The following CLIP4 variants were observed in gnomAD, a reference collection of about 807,000 sequenced individuals.
CLIP4 encodes the protein CAP-Gly domain-containing linker protein 4.
A neutral mutation model predicts 73.1 loss-of-function variants in CLIP4; 47 were observed. The observed-to-expected ratio is 0.64, with a 90% CI of 0.51 to 0.82. The LOEUF (loss-of-function observed/expected upper bound fraction) is 0.82, where lower values mean the gene tolerates loss of function less well. Ranked by LOEUF, CLIP4 falls within the 40% of genes least tolerant of loss-of-function variation. The probability of loss-of-function intolerance (pLI) is 0.00; values close to 1 mark genes in which losing one functional copy is unlikely to be tolerated. For missense variants in CLIP4, 874 were observed against 852.9 expected, an observed-to-expected ratio of 1.02 and a Z score of -0.31; for synonymous variants, 306 against 295.4, an observed-to-expected ratio of 1.04 and a Z score of -0.37.
chr2:29,151,371 C>G (rs1290904458), intron 8 of CLIP4, among the ~76,000 whole-genome samples: 1 of 152,104 alleles, frequency 6.6e-6, no homozygotes, highest in Non-Finnish European at 1.5e-5. Context: ...CTTGCCGACA[C>G]TGGTTGTAAT....
chr2:29,107,369 T>TTG (rs1354439630), intron 1 of CLIP4, among the ~76,000 whole-genome samples: 3 of 115,166 alleles, frequency 2.6e-5, no homozygotes, highest in Admixed American at 8.5e-5. Context: ...TTTTTTTTTT[T>TTG]TTTTTTTTTT....
chr2:29,156,542 T>G, intron 10 of CLIP4, 99 bp downstream of exon 10: 1 of 837,022 alleles, frequency 1.2e-6, no homozygotes. Context: ...AGTTTTAAAG[T>G]TGGCAAGGGA....
chr2:29,126,385 G>T (rs1664605053), intron 2 of CLIP4, among the ~76,000 whole-genome samples: 1 of 152,092 alleles, frequency 6.6e-6, no homozygotes, highest in Non-Finnish European at 1.5e-5. Flanking sequence ...TCACTTTCCA[G>T]TTGTGTGATT....
chr2:29,175,160 A>G (rs1289651716), intron 15 of CLIP4, among the ~76,000 whole-genome samples: 1 of 152,170 alleles, frequency 6.6e-6, no homozygotes, highest in Non-Finnish European at 1.5e-5. Context: ...AGAGGCTAGA[A>G]CTTGATGTCC....
chr2:29,166,500 CACTG>C lies in CLIP4; in HGVS notation c.1659-972_1659-969del, dbSNP rs111369601. Among the ~76,000 whole-genome samples the C allele has an allele frequency of 7.3e-3, 1,092 of 150,452 alleles. 21 individuals are homozygous for C. The highest frequency in any genetic ancestry group is 0.026 in the African/African-American group (1,057 of 40,718). The stretch of plus-strand genomic sequence containing the variant: ...TCTTTAGAGAAACTCTAGGAAAACT[CACTG>C]ACTAGGTTAATCACATACACACACA... On this transcript the variant is annotated intron_variant, in intron 13 of 15. Transcript: ENST00000320081.
At chr2:29,125,009 C>T (rs1169154488) in intron 2 of CLIP4, among the ~76,000 whole-genome samples, 1 of 152,144 alleles carries the variant, frequency 6.6e-6, no homozygotes, top group Non-Finnish European at 1.5e-5. Context: ...TTTTTGTATT[C>T]CTGTAAGTAT....
Position 29,166,530 on chromosome 2 carries a change from G to GACACACAC in CLIP4, c.1659-921_1659-914dup, listed in dbSNP as rs55833657. On this transcript the variant is annotated intron_variant, in intron 13 of 15. Coordinates refer to ENST00000320081, the MANE Select transcript of CLIP4 (RefSeq NM_024692.6). ...ACTAGGTTAATCACATACACACACA[G>GACACACAC]ACACACACACACACACACACACACA... 2.2e-4 allele frequency among the ~76,000 whole-genome samples: 33 copies of GACACACAC among 147,026 alleles called. 1 individual carries two copies. The highest frequency in any genetic ancestry group is 6.6e-4 in the South Asian group (3 of 4,532).
rs1310106122 is a variant in CLIP4, at chr2:29,163,831, G to T, written c.1535G>T (p.Gly512Val). 3.7e-6 allele frequency: 6 copies of T among 1,610,804 alleles called. No individual in the cohort carries two copies. The highest frequency in any genetic ancestry group is 4.2e-6 in the Non-Finnish European group (5 of 1,178,806). The change falls in exon 13 of 16, where the codon GGA (glycine) becomes GTA (valine). Residue 512 changes from glycine (G) to valine (V), a missense_variant and splice_region_variant. Gly to Val is a moderately radical substitution (Grantham distance 109, BLOSUM62 -3). Coordinates refer to ENST00000320081, the MANE Select transcript of CLIP4 (RefSeq NM_024692.6). ...TTGAAATGCAATATTCATGTTCTAGGATATTGGTATGGTATAGAGCTTGAA... is the reference window on the plus strand; with the variant it reads ...TTGAAATGCAATATTCATGTTCTAGTATATTGGTATGGTATAGAGCTTGAA... ...RFFGTTNFAP[G>V]YWYGIELEKP...
At chr2:29,121,235 T>C (rs1664228071) in intron 1 of CLIP4, 139 bp from the exon 2 acceptor site, 3 of 862,620 alleles carry the variant, frequency 3.5e-6, no homozygotes, top group Non-Finnish European at 5.2e-6. Flanking sequence ...AAAAGGAATT[T>C]TTTCCCTTTC....
At chr2:29,163,131 AACCTT>A (rs1442606064) in intron 12 of CLIP4, among the ~76,000 whole-genome samples, 1 of 152,098 alleles carries the variant, frequency 6.6e-6, no homozygotes, top group Non-Finnish European at 1.5e-5. Context: ...CATTTAAAGC[AACCTT>A]GCTACTTTAA....
intron 1 of CLIP4, among the ~76,000 whole-genome samples, chr2:29,118,008 C>T (rs1663986156): frequency 6.6e-6 from 1 of 152,154 alleles, no homozygotes; most frequent in South Asian, 2.1e-4. Context: ...GTAGATTGTA[C>T]AGATGTTATG....
intron 2 of CLIP4, 23 bp downstream of exon 2, chr2:29,121,544 T>C: frequency 6.2e-7 from 1 of 1,609,788 alleles, no homozygotes; most frequent in South Asian, 1.1e-5. Flanking sequence ...GCTGTGCTTA[T>C]TTTCTGTGAA....
chr2:29,170,926 C>T (rs984316937), intron 14 of CLIP4, among the ~76,000 whole-genome samples: 14 of 151,908 alleles, frequency 9.2e-5, no homozygotes, highest in Non-Finnish European at 1.8e-4. Flanking sequence ...TGGGCTATTT[C>T]TGGGCTCTCC....
At chr2:29,140,099 T>G (rs1378564595) in intron 6 of CLIP4, among the ~76,000 whole-genome samples, 1 of 152,174 alleles carries the variant, frequency 6.6e-6, no homozygotes, top group Non-Finnish European at 1.5e-5. Flanking sequence ...TTTATTATAC[T>G]TTAAGTTTTA....
At chr2:29,141,790 T>G (rs904095355) in intron 6 of CLIP4, among the ~76,000 whole-genome samples, 5 of 152,108 alleles carry the variant, frequency 3.3e-5, no homozygotes, top group South Asian at 2.1e-4. Context: ...GTCTTTTGAG[T>G]GCTGTGTTTA....
chr2:29,109,648 G>A (rs1668332375), intron 1 of CLIP4, among the ~76,000 whole-genome samples: 1 of 152,200 alleles, frequency 6.6e-6, no homozygotes, highest in South Asian at 2.1e-4. Context: ...TTTGCATCAT[G>A]TGGTGTCTGA....
intron 1 of CLIP4, among the ~76,000 whole-genome samples, chr2:29,101,870 A>G (rs1386147345): frequency 6.6e-6 from 1 of 152,240 alleles, no homozygotes; most frequent in East Asian, 1.9e-4. Flanking sequence ...TCAAAATTAA[A>G]GGCTCATGCC....
At chr2:29,124,548 C>A (rs943932559) in intron 2 of CLIP4, among the ~76,000 whole-genome samples, 7 of 151,980 alleles carry the variant, frequency 4.6e-5, no homozygotes, top group Non-Finnish European at 8.8e-5. Context: ...TGCTTCTCCC[C>A]GTTTTCAGAT....
rs1467194607 is a variant in CLIP4, at chr2:29,181,764, A to G, written c.1989A>G (p.Gly663=). The change falls in exon 16 of 16, where the codon GGA becomes GGG. Residue 663 remains glycine (G), a synonymous_variant. Transcript: ENST00000320081. The part of the protein sequence containing the change: ...WLGLELRSAK[G]KNDGSVGDKR... The stretch of plus-strand genomic sequence containing the variant: ...GACTTGAGCTCCGAAGCGCCAAGGG[A>G]AAAAATGATGGGTCAGTGGGTGACA... 6.2e-6 allele frequency: 10 copies of G among 1,614,144 alleles called. No individual in the cohort carries two copies. The East Asian group carries it at 6.7e-5, about 11-fold the overall frequency.
Sources: gnomAD v4.1 joint callset for allele counts (sites outside exome capture counted in the v4.1 genomes callset) on GRCh38, gnomAD v4.1.1 for gene constraint, MANE v1.5 for transcripts, NCBI Gene and HGNC (gene_info 2026-07-23, HGNC 2026-07-21) for gene names.